The following ITLN2 variants were observed in gnomAD, a reference collection of about 807,000 sequenced individuals.
The protein encoded by ITLN2 is intelectin-2.
In ITLN2, 29 loss-of-function variants were observed where a neutral mutation model predicts 39.4. The observed-to-expected ratio is 0.74, with a 90% CI of 0.55 to 1.00. The LOEUF is 1.00. ITLN2 is among the 50% of genes least tolerant of loss of function. The probability of loss-of-function intolerance (pLI) is 0.00; values close to 1 mark genes in which losing one functional copy is unlikely to be tolerated. For synonymous variants in ITLN2, 156 were observed against 153.4 expected, an observed-to-expected ratio of 1.02 and a Z score of -0.12; for missense variants, 412 against 416.7, an observed-to-expected ratio of 0.99 and a Z score of 0.10.
At chr1:160,951,453 G>C in intron 3 of ITLN2, 163 bp from the exon 4 acceptor site, 2 of 872,456 alleles carry the variant, frequency 2.3e-6, no homozygotes, top group Non-Finnish European at 3.4e-6. Context: ...GCTCACCTAT[G>C]AGCAGAGGCA....
chr1:160,947,157 A>G (rs1671624345), intron 7 of ITLN2, among the ~76,000 whole-genome samples: 1 of 152,214 alleles, frequency 6.6e-6, no homozygotes, highest in Non-Finnish European at 1.5e-5. Context: ...GCAGGGAAAC[A>G]TGTGAGCAAA....
chr1:160,949,826 C>G (rs958201128), intron 6 of ITLN2: 1 of 505,966 alleles, frequency 2.0e-6, no homozygotes, highest in Non-Finnish European at 3.6e-6. Context: ...ATGAAGAAAC[C>G]TGGGATTACG....
At chr1:160,951,832 G>A (rs886096886) in intron 3 of ITLN2, among the ~76,000 whole-genome samples, 1 of 152,182 alleles carries the variant, frequency 6.6e-6, no homozygotes, top group Admixed American at 6.5e-5. Context: ...GGAAAGATGG[G>A]AACCTTGTGA....
intron 7 of ITLN2, among the ~76,000 whole-genome samples, chr1:160,946,667 C>G (rs189220309): frequency 2.0e-5 from 3 of 150,284 alleles, no homozygotes; most frequent in Non-Finnish European, 4.4e-5. Flanking sequence ...AAGCTGAGAT[C>G]GCGCCACTGC....
chr1:160,950,638 T>C lies in ITLN2; in HGVS notation c.515A>G (p.His172Arg), dbSNP rs1671719882. 1 of 1,614,200 alleles carries C rather than the reference T, an allele frequency of 6.2e-7. No individual in the cohort carries two copies. Among genetic ancestry groups the C allele is most frequent in the Admixed American group, 1.7e-5 (1 of 60,024 alleles). The stretch of plus-strand genomic sequence containing the variant: ...CCTCAGCAGGGCGCTGTTTCTCCAA[T>C]GCTGCATGGGGGACTTGTTGGGCAC... The part of the protein sequence containing the change: ...WHVPNKSPMQ[H>R]WRNSALLRYR... Residue 172 changes from histidine (H) to arginine (R), a missense_variant, in exon 5 of 8, where the codon CAT (histidine) becomes CGT (arginine). Physicochemically the swap from His to Arg is conservative, Grantham distance 29. Coordinates refer to ENST00000368029, the MANE Select transcript of ITLN2 (RefSeq NM_080878.3).
At chr1:160,954,472 A>C in intron 1 of ITLN2, 22 bp from the exon 2 acceptor site, 1 of 1,559,080 alleles carries the variant, frequency 6.4e-7, no homozygotes, top group Non-Finnish European at 8.7e-7. Flanking sequence ...CAAGATGCAC[A>C]AGGTCACTGG....
At position 160,950,641 on chromosome 1, in the gene ITLN2, T is replaced by C. The variant is rs12090411; in HGVS notation, c.512A>G (p.Gln171Arg). 5.6e-3 allele frequency: 8,998 copies of C among 1,614,204 alleles called. 427 individuals are homozygous for C. In the African/African-American group the frequency reaches 0.1, roughly 19 times the overall value. ...IWHVPNKSPMQHWRNSALLRY... is the reference protein window; with the variant it reads ...IWHVPNKSPMRHWRNSALLRY... Reference sequence around the variant, plus strand: ...CAGCAGGGCGCTGTTTCTCCAATGCTGCATGGGGGACTTGTTGGGCACATG... The same window carrying C: ...CAGCAGGGCGCTGTTTCTCCAATGCCGCATGGGGGACTTGTTGGGCACATG... The change falls in exon 5 of 8, where the codon CAG becomes CGG. Residue 171 changes from glutamine (Q) to arginine (R), a missense_variant. By Grantham distance (43) the Gln-to-Arg change is conservative. Transcript: ENST00000368029.
At chr1:160,948,848 C>T (rs1671667386) in intron 6 of ITLN2, 1 of 152,182 alleles carries the variant, frequency 6.6e-6, no homozygotes, top group South Asian at 2.1e-4. Flanking sequence ...TGCCCCTCCA[C>T]ACCTGTGGGT....
In ITLN2 at chr1:160,945,260, C is replaced by T. The variant is rs563305270; in HGVS notation, c.858G>A (p.Gln286=). The T allele has an allele frequency of 1.3e-5, 20 of 1,589,942 alleles. No homozygotes were observed. In the African/African-American group the frequency reaches 2.7e-4, roughly 22 times the overall value. ...HCIGGGGFFP[Q]GKPRQCGDFS... ...AGTCCCCACACTGACGGGGTTTGCC[C>T]TGTGGGAAGAACCCTCCTCCACCGA... Residue 286 remains glutamine (Q), a synonymous_variant, in exon 8 of 8, where the codon CAG becomes CAA. Coordinates refer to ENST00000368029, the MANE Select transcript of ITLN2 (RefSeq NM_080878.3).
chr1:160,949,153 A>G (rs923913657), intron 6 of ITLN2: 3 of 150,736 alleles, frequency 2.0e-5, no homozygotes, highest in Non-Finnish European at 4.4e-5. Flanking sequence ...GTGCACATAC[A>G]TAAACATCTC....
At chr1:160,950,401 G>T in intron 5 of ITLN2, 152 bp downstream of exon 5, 1 of 1,047,170 alleles carries the variant, frequency 9.5e-7, no homozygotes, top group Non-Finnish European at 1.4e-6. Context: ...TTTCTGAGAG[G>T]CCAGACATGA....
chr1:160,951,452 T>C (rs528994615), intron 3 of ITLN2, 162 bp from the exon 4 acceptor site: 1 of 878,334 alleles, frequency 1.1e-6, no homozygotes, highest in African/African-American at 1.7e-5. Flanking sequence ...TGCTCACCTA[T>C]GAGCAGAGGC....
intron 4 of ITLN2, 134 bp downstream of exon 4, chr1:160,950,909 T>C: frequency 6.5e-7 from 1 of 1,535,966 alleles, no homozygotes; most frequent in Non-Finnish European, 8.9e-7. Flanking sequence ...AAGTTGTGAT[T>C]CAAGTCCTGT....
chr1:160,953,304 C>G (rs2101941313), intron 2 of ITLN2, among the ~76,000 whole-genome samples: 1 of 152,266 alleles, frequency 6.6e-6, no homozygotes, highest in Admixed American at 6.5e-5. Context: ...ACAAAGAAGT[C>G]TGGAAACCAA....
chr1:160,951,102 T>G lies in ITLN2; in HGVS notation c.382A>C (p.Asn128His). 6.2e-7 allele frequency: 1 copy of G among 1,614,168 alleles called. No homozygotes were observed. The highest frequency in any genetic ancestry group is 8.5e-7 in the Non-Finnish European group (1 of 1,180,036). ...NKADYPEGDG[N>H]WANYNTFGSA... ...CCAAAGGTGTTGTAGTTGGCCCAGTTGCCATCCCCCTCTGGGTAGTCTGCT... is the reference window on the plus strand; with the variant it reads ...CCAAAGGTGTTGTAGTTGGCCCAGTGGCCATCCCCCTCTGGGTAGTCTGCT... Residue 128 changes from asparagine to histidine, a missense_variant, in exon 4 of 8, where the codon AAC becomes CAC. Asn to His is a moderately conservative substitution (Grantham distance 68). Coordinates refer to ENST00000368029, the MANE Select transcript of ITLN2 (RefSeq NM_080878.3).
At chr1:160,954,575 T>TA (rs1671821358) in intron 1 of ITLN2, 125 bp from the exon 2 acceptor site, 3 of 1,222,122 alleles carry the variant, frequency 2.5e-6, no homozygotes, top group African/African-American at 1.5e-5. Flanking sequence ...ATGAGCATTC[T>TA]AAAACCTCCT....
intron 3 of ITLN2, 28 bp downstream of exon 3, chr1:160,952,592 G>A: frequency 6.6e-7 from 1 of 1,523,926 alleles, no homozygotes; most frequent in Non-Finnish European, 9.1e-7. Flanking sequence ...GCTTCAAAGA[G>A]AGAATGCTGA....
intron 2 of ITLN2, among the ~76,000 whole-genome samples, 186 bp from the exon 3 acceptor site, chr1:160,952,919 CTAATTT>C (rs1485508689): frequency 1.3e-5 from 2 of 152,190 alleles, no homozygotes; most frequent in Non-Finnish European, 2.9e-5. Context: ...TTCCACTCGA[CTAATTT>C]TAATTAAATA....
At chr1:160,948,627 CTT>C (rs397777960) in intron 6 of ITLN2, 652 of 132,556 alleles carry the variant, frequency 4.9e-3, no homozygotes, top group African/African-American at 0.016. Context: ...TCAGTGTGCA[CTT>C]TTTTTTTTTT....
Sources: allele counts gnomAD v4.1 joint callset (sites outside exome capture counted in the v4.1 genomes callset), GRCh38; gene constraint gnomAD v4.1.1; transcripts MANE v1.5; gene names NCBI Gene and HGNC (gene_info 2026-07-23, HGNC 2026-07-21).